Variants in FARS2 observed in about 807,000 individuals in gnomAD.
FARS2 encodes phenylalanine--tRNA ligase, mitochondrial.
Under a neutral mutation model 46.4 loss-of-function variants are expected in FARS2, and 40 were observed. That is an observed-to-expected ratio of 0.86 (90% CI 0.67 to 1.12). The LOEUF (loss-of-function observed/expected upper bound fraction) is 1.12, where lower values mean the gene tolerates loss of function less well. Ranked by LOEUF, FARS2 falls within the 50% of genes most tolerant of loss-of-function variation. FARS2 has a pLI of 0.00. For missense variants in FARS2, 513 were observed against 567.9 expected, an observed-to-expected ratio of 0.90 and a Z score of 0.98; for synonymous variants, 234 against 214.9, an observed-to-expected ratio of 1.09 and a Z score of -0.78.
intron 5 of FARS2, among the ~76,000 whole-genome samples, chr6:5,560,070 C>G (rs1771900559): frequency 6.6e-6 from 1 of 152,100 alleles, no homozygotes; most frequent in African/African-American, 2.4e-5. Flanking sequence ...ATGAGTGATT[C>G]TTTCATTCTT....
chr6:5,428,733 CCTT>C lies in FARS2; in HGVS notation c.773-2302_773-2300del, dbSNP rs529219480. 5.9e-3 allele frequency among the ~76,000 whole-genome samples: 895 copies of C among 152,224 alleles called. 10 individuals are homozygous for C. The highest frequency in any genetic ancestry group is 0.027 in the Middle Eastern group (8 of 294). On this transcript the variant is annotated intron_variant, in intron 3 of 6. Coordinates refer to ENST00000274680, the MANE Select transcript of FARS2 (RefSeq NM_006567.5). ...GGGCAGGGATACAGGTGTATAAATCCCTTCTTCTCAGAATACAGTCCCAAATAA... is the reference window on the plus strand; with the variant it reads ...GGGCAGGGATACAGGTGTATAAATCCCTTCTCAGAATACAGTCCCAAATAA...
chr6:5,258,250 G>T (rs1374472291), upstream of FARS2, among the ~76,000 whole-genome samples: 2 of 152,166 alleles, frequency 1.3e-5, no homozygotes, highest in Non-Finnish European at 2.9e-5. Context: ...GAGTTCCAAA[G>T]TATTTATTTC....
intron 6 of FARS2, among the ~76,000 whole-genome samples, chr6:5,738,350 G>A (rs542878193): frequency 1.3e-5 from 2 of 152,344 alleles, no homozygotes; most frequent in Admixed American, 1.3e-4. Flanking sequence ...GATTGAATAT[G>A]TTGCTGTACT....
At chr6:5,739,937 C>T (rs1175133216) in intron 6 of FARS2, among the ~76,000 whole-genome samples, 4 of 152,206 alleles carry the variant, frequency 2.6e-5, no homozygotes, top group South Asian at 2.1e-4. Flanking sequence ...AGCAACTCTA[C>T]GAGGTAGATA....
chr6:5,691,151 G>A (rs779636386), intron 6 of FARS2, among the ~76,000 whole-genome samples: 61 of 152,182 alleles, frequency 4.0e-4, no homozygotes, highest in African/African-American at 1.1e-3. Context: ...CCTTTAGCTC[G>A]GAGTAGTTTG....
At chr6:5,432,336 ATATATATATATATAT>A (rs776968812) in intron 4 of FARS2, among the ~76,000 whole-genome samples, 23,955 of 73,342 alleles carry the variant, frequency 0.33, 2,899 homozygotes, top group East Asian at 0.53. Context: ...AAATATATAT[ATATATATATATATAT>A]TATATATATA....
intron 4 of FARS2, among the ~76,000 whole-genome samples, chr6:5,481,378 A>AG (rs1027539478): frequency 2.8e-4 from 42 of 152,348 alleles, no homozygotes; most frequent in African/African-American, 9.4e-4. Flanking sequence ...GGTGTTGTGA[A>AG]GGGAGAGTGA....
At chr6:5,603,784 G>A (rs868067313) in intron 5 of FARS2, among the ~76,000 whole-genome samples, 1 of 152,176 alleles carries the variant, frequency 6.6e-6, no homozygotes, top group African/African-American at 2.4e-5. Flanking sequence ...TAAAGATCCT[G>A]TCTTTAAGTA....
the FARS2 span, among the ~76,000 whole-genome samples, chr6:5,254,271 A>T: frequency 1.3e-5 from 2 of 152,228 alleles, no homozygotes; most frequent in African/African-American, 4.8e-5. Context: ...CTTCTCGCTA[A>T]CCAACTTCCA....
chr6:5,626,481 A>G (rs1776038334), intron 6 of FARS2, among the ~76,000 whole-genome samples: 1 of 152,182 alleles, frequency 6.6e-6, no homozygotes, highest in Non-Finnish European at 1.5e-5. Flanking sequence ...CATGGTGTCC[A>G]GTGGTATTTC....
intron 4 of FARS2, among the ~76,000 whole-genome samples, chr6:5,527,781 A>G (rs559394844): frequency 6.6e-6 from 1 of 152,354 alleles, no homozygotes; most frequent in East Asian, 1.9e-4. Context: ...AACAACTTCT[A>G]TCTGAAAAAT....
In FARS2 at chr6:5,277,204, G is replaced by GTT. The variant is rs561665754; in HGVS notation, c.-22+15555_-22+15556dup. Among the ~76,000 whole-genome samples, 17 of 143,422 alleles carry GTT rather than the reference G, an allele frequency of 1.2e-4. No individual in the cohort carries two copies. The Middle Eastern group carries it at 0.011, about 90-fold the overall frequency. The allele number at this position is 143,422 out of a possible 152,430, so 94.1% of individuals were successfully genotyped here. On this transcript the variant is annotated intron_variant, in intron 1 of 6. Coordinates refer to ENST00000274680, the MANE Select transcript of FARS2 (RefSeq NM_006567.5). ...TCAGCAGGGGCTGGTTCACAGTTTTGTTTTTTTTTTTTCTTTTCTTTTCCC... is the reference window on the plus strand; with the variant it reads ...TCAGCAGGGGCTGGTTCACAGTTTTGTTTTTTTTTTTTTTCTTTTCTTTTCCC...
intron 4 of FARS2, among the ~76,000 whole-genome samples, chr6:5,522,362 C>G (rs1307980898): frequency 6.6e-6 from 1 of 152,220 alleles, no homozygotes. Context: ...GCAGCTTCCT[C>G]TGTGACCAGG....
intron 6 of FARS2, among the ~76,000 whole-genome samples, chr6:5,681,115 T>G (rs1779012672): frequency 6.6e-6 from 1 of 152,240 alleles, no homozygotes; most frequent in Non-Finnish European, 1.5e-5. Context: ...TAATTCTGCT[T>G]CTTAACAATC....
intron 6 of FARS2, among the ~76,000 whole-genome samples, chr6:5,745,820 G>A (rs1761602285): frequency 6.6e-6 from 1 of 152,200 alleles, no homozygotes; most frequent in Admixed American, 6.5e-5. Flanking sequence ...GATTACAGGT[G>A]TGAGCCACTG....
At chr6:5,682,649 T>C (rs1416456900) in intron 6 of FARS2, among the ~76,000 whole-genome samples, 1 of 152,220 alleles carries the variant, frequency 6.6e-6, no homozygotes, top group Admixed American at 6.5e-5. Context: ...ATGCACTCAA[T>C]AGGTACGGAG....
chr6:5,755,166 T>G (rs1290328678), intron 6 of FARS2, among the ~76,000 whole-genome samples: 1 of 152,262 alleles, frequency 6.6e-6, no homozygotes. Flanking sequence ...CGACTCATTT[T>G]TAAATTATAT....
chr6:5,487,715 G>A (rs1766861532), intron 4 of FARS2, among the ~76,000 whole-genome samples: 1 of 152,144 alleles, frequency 6.6e-6, no homozygotes, highest in Non-Finnish European at 1.5e-5. Context: ...GTAGGTACGT[G>A]GCTTTAATAC....
chr6:5,526,610 T>C (rs1055616797), intron 4 of FARS2, among the ~76,000 whole-genome samples: 1 of 152,124 alleles, frequency 6.6e-6, no homozygotes, highest in Non-Finnish European at 1.5e-5. Flanking sequence ...TTTTTTCTTT[T>C]TTCTTTCTTT....
Sources: allele counts gnomAD v4.1 joint callset (sites outside exome capture counted in the v4.1 genomes callset), GRCh38; gene constraint gnomAD v4.1.1; transcripts MANE v1.5; gene names NCBI Gene and HGNC (gene_info 2026-07-23, HGNC 2026-07-21).